The following SLC6A13 variants were observed in gnomAD, a reference collection of about 807,000 sequenced individuals.
The protein encoded by SLC6A13 is sodium- and chloride-dependent GABA transporter 2.
A neutral mutation model predicts 72.9 loss-of-function variants in SLC6A13; 69 were observed. The observed-to-expected ratio is 0.95, with a 90% CI of 0.78 to 1.16. SLC6A13 has a LOEUF of 1.16. SLC6A13 is among the 50% of genes most tolerant of loss of function. SLC6A13 has a pLI of 0.00. For missense variants in SLC6A13, 735 were observed against 760.5 expected, an observed-to-expected ratio of 0.97 and a Z score of 0.39; for synonymous variants, 303 against 303.0, an observed-to-expected ratio of 1.00 and a Z score of 0.00.
chr12:230,619 C>G (rs1170152041), intron 7 of SLC6A13, among the ~76,000 whole-genome samples: 1 of 152,318 alleles, frequency 6.6e-6, no homozygotes, highest in East Asian at 1.9e-4. Flanking sequence ...TTAAAACTCT[C>G]AAGTAATTCA....
At chr12:243,216 T>A (rs868300725) in intron 3 of SLC6A13, among the ~76,000 whole-genome samples, 48 of 152,324 alleles carry the variant, frequency 3.2e-4, no homozygotes, top group African/African-American at 1.0e-3. Context: ...AGTTTCACCA[T>A]GTTGGCCAGG....
rs757848827 is a variant in SLC6A13 at position 224,493 on chromosome 12, C to T, written c.1081G>A (p.Ala361Thr). Residue 361 changes from alanine (A) to threonine (T), a missense_variant, in exon 10 of 15, where the codon GCT becomes ACT. Coordinates refer to ENST00000343164, the MANE Select transcript of SLC6A13 (RefSeq NM_016615.5). ...AGCATCACCACAGCCCGCGGGTAAG[C>T]GATGAAAGCCAGGCCAGGGCCTACG... ...AESGPGLAFI[A>T]YPRAVVMLPF... 25 of 1,613,950 alleles carry T rather than the reference C, an allele frequency of 1.5e-5. No homozygotes were observed. The highest frequency in any genetic ancestry group is 2.7e-5 in the African/African-American group (2 of 74,928).
chr12:262,690 G>C (rs969338849), intron 1 of SLC6A13, 99 bp downstream of exon 1: 1 of 985,078 alleles, frequency 1.0e-6, no homozygotes, highest in Non-Finnish European at 1.2e-6. Context: ...TCTAGGCGAG[G>C]GTAAGAAAAA....
At chr12:246,622 G>T (rs1942358851) in intron 2 of SLC6A13, among the ~76,000 whole-genome samples, 1 of 152,178 alleles carries the variant, frequency 6.6e-6, no homozygotes, top group African/African-American at 2.4e-5. Flanking sequence ...GAAATACATT[G>T]GATGGGATTA....
intron 2 of SLC6A13, chr12:259,042 A>C (rs1365460378): frequency 2.0e-5 from 3 of 150,452 alleles, no homozygotes; most frequent in Non-Finnish European, 3.0e-5. Flanking sequence ...ACCACAGAAC[A>C]GTTTGGTTAT....
At chr12:251,112 C>T (rs909575950) in intron 2 of SLC6A13, among the ~76,000 whole-genome samples, 1 of 150,642 alleles carries the variant, frequency 6.6e-6, no homozygotes, top group South Asian at 2.1e-4. Flanking sequence ...GCTGAGATCG[C>T]GCCACTGCAC....
chr12:221,570 A>C, intron 13 of SLC6A13, 24 bp from the exon 14 acceptor site: 78 of 978,920 alleles, frequency 8.0e-5, no homozygotes, highest in Middle Eastern at 2.5e-4. Context: ...CAGAAGAGAA[A>C]GGGGTTGGGG....
At chr12:247,325 C>T (rs1942391089) in intron 2 of SLC6A13, among the ~76,000 whole-genome samples, 1 of 151,480 alleles carries the variant, frequency 6.6e-6, no homozygotes, top group Admixed American at 6.6e-5. Context: ...AAGAGAAAAC[C>T]TTAAAAGTCA....
intron 9 of SLC6A13, 120 bp downstream of exon 9, chr12:226,270 A>G: frequency 8.0e-7 from 1 of 1,244,782 alleles, no homozygotes; most frequent in Non-Finnish European, 1.2e-6. Context: ...GAACGCATCC[A>G]CTGAATGGTG....
intron 9 of SLC6A13, 137 bp downstream of exon 9, chr12:226,253 C>A: frequency 9.8e-7 from 1 of 1,021,192 alleles, no homozygotes; most frequent in South Asian, 1.4e-5. Context: ...TCCGCCAAGT[C>A]TTCCCAGAAC....
chr12:224,428 C>G lies in SLC6A13; in HGVS notation c.1146G>C (p.Met382Ile). 6.2e-7 allele frequency: 1 copy of G among 1,614,158 alleles called. No individual in the cohort carries two copies. The highest frequency in any genetic ancestry group is 8.5e-7 in the Non-Finnish European group (1 of 1,180,018). Residue 382 changes from methionine (M) to isoleucine (I), a missense_variant, in exon 10 of 15, where the codon ATG becomes ATC. Met to Ile is a conservative substitution (Grantham distance 10). Transcript: ENST00000343164. ...SPLWACCFFFMVVLLGLDSQF... is the reference protein window; with the variant it reads ...SPLWACCFFFIVVLLGLDSQF... ...GGCTATCCAGTCCCAGGAGAACGAC[C>G]ATGAAGAAGAAACAGCAGGCCCAGA... is the stretch of plus-strand genomic sequence containing the variant.
Position 242,691 on chromosome 12 carries a change from G to A in SLC6A13, c.401C>T (p.Ala134Val). 6.2e-7 allele frequency: 1 copy of A among 1,611,300 alleles called. No homozygotes were observed. The highest frequency in any genetic ancestry group is 8.5e-7 in the Non-Finnish European group (1 of 1,178,830). The change falls in exon 4 of 15, where the codon GCC becomes GTC. Residue 134 changes from alanine to valine, a missense_variant. Physicochemically the swap from Ala to Val is moderately conservative, Grantham distance 64. Coordinates refer to ENST00000343164, the MANE Select transcript of SLC6A13 (RefSeq NM_016615.5). ...LLNVYYIIVL[A>V]WALFYLFSSF... ...GCTGAAGAGGTAGAACAGGGCCCAG[G>A]CCAACACAATGATGTAGTAGACGTT... is the stretch of plus-strand genomic sequence containing the variant.
chr12:224,480 G>C lies in SLC6A13; in HGVS notation c.1094C>G (p.Ala365Gly), dbSNP rs761345152. 21 of 1,614,004 alleles carry C rather than the reference G, an allele frequency of 1.3e-5. 1 individual carries two copies. In the South Asian group the frequency reaches 1.4e-4, roughly 11 times the overall value. ...PGLAFIAYPRAVVMLPFSPLW... is the reference protein window; with the variant it reads ...PGLAFIAYPRGVVMLPFSPLW... ...AGGAGAGAAGGGCAGCATCACCACA[G>C]CCCGCGGGTAAGCGATGAAAGCCAG... Residue 365 changes from alanine (A) to glycine (G), a missense_variant, in exon 10 of 15, where the codon GCT becomes GGT. Physicochemically the swap from Ala to Gly is moderately conservative, Grantham distance 60 (BLOSUM62 0). Coordinates refer to ENST00000343164, the MANE Select transcript of SLC6A13 (RefSeq NM_016615.5).
intron 13 of SLC6A13, among the ~76,000 whole-genome samples, 189 bp from the exon 14 acceptor site, chr12:221,735 T>C (rs530595140): frequency 6.6e-6 from 1 of 152,322 alleles, no homozygotes; most frequent in African/African-American, 2.4e-5. Context: ...AGCAGTGTAC[T>C]CTGTCACTCC....
At chr12:230,495 T>C (rs543951153) in intron 7 of SLC6A13, among the ~76,000 whole-genome samples, 1 of 152,100 alleles carries the variant, frequency 6.6e-6, no homozygotes, top group South Asian at 2.1e-4. Context: ...GAACCTCCCT[T>C]TTCTCATCAG....
In SLC6A13 at chr12:235,150, C is replaced by T; in HGVS notation, c.771G>A (p.Gly257=). The T allele has an allele frequency of 6.2e-7, 1 of 1,614,146 alleles. No individual in the cohort carries two copies. Among genetic ancestry groups the T allele is most frequent in the Non-Finnish European group, 8.5e-7 (1 of 1,180,018 alleles). The stretch of plus-strand genomic sequence containing the variant: ...GGTAAAACTGAATTCCTTGGGCTGC[C>T]CCAGGCAACGTCACCCCTCGAATTA... ...VLLIRGVTLP[G]AAQGIQFYLY... Residue 257 remains glycine (G), a synonymous_variant, in exon 7 of 15, where the codon GGG becomes GGA. Transcript: ENST00000343164.
At chr12:261,665 G>A (rs970984172) in intron 1 of SLC6A13, among the ~76,000 whole-genome samples, 15 of 152,206 alleles carry the variant, frequency 9.9e-5, no homozygotes, top group Non-Finnish European at 1.6e-4. Flanking sequence ...AATGGCTCAC[G>A]CCTGTAATCC....
At chr12:234,534 T>C (rs376792981) in intron 7 of SLC6A13, among the ~76,000 whole-genome samples, 39 of 152,084 alleles carry the variant, frequency 2.6e-4, no homozygotes, top group African/African-American at 8.7e-4. Flanking sequence ...TATTTTATTT[T>C]AGAGACAGAG....
chr12:237,852 C>G (rs1247590783), intron 5 of SLC6A13, 74 bp downstream of exon 5: 1 of 1,105,544 alleles, frequency 9.0e-7, no homozygotes, highest in Non-Finnish European at 1.4e-6. Context: ...TGAGAGTGAC[C>G]TTGGTGTGTA....
Sources: allele counts gnomAD v4.1 joint callset (sites outside exome capture counted in the v4.1 genomes callset), GRCh38; gene constraint gnomAD v4.1.1; transcripts MANE v1.5; gene names NCBI Gene and HGNC (gene_info 2026-07-23, HGNC 2026-07-21).